Variants in XXYLT1 observed in about 807,000 individuals in gnomAD.
XXYLT1 encodes the protein xyloside xylosyltransferase 1, also known as UDP-xylose:alpha-xyloside alpha-1,3-xylosyltransferase.
In XXYLT1, 20 loss-of-function variants were observed where a neutral mutation model predicts 28.9. The observed-to-expected ratio is 0.69, with a 90% CI of 0.49 to 1.00. The LOEUF is 1.00. Among genes scored for constraint, XXYLT1 ranks in the 50% least tolerant of loss-of-function variants. XXYLT1 has a pLI of 0.00. For missense variants in XXYLT1, 542 were observed against 560.1 expected (o/e 0.97, Z 0.33); for synonymous variants, 257 against 253.8 (o/e 1.01, Z -0.12).
intron 3 of XXYLT1, among the ~76,000 whole-genome samples, chr3:195,127,335 CT>C (rs1411933180): frequency 6.6e-6 from 1 of 152,292 alleles, no homozygotes; most frequent in Non-Finnish European, 1.5e-5. Context: ...TTGTCAGTTC[CT>C]CCAGGGGTGC....
At chr3:195,160,077 A>C (rs1481278445) in intron 2 of XXYLT1, among the ~76,000 whole-genome samples, 1 of 140,738 alleles carries the variant, frequency 7.1e-6, no homozygotes, top group Non-Finnish European at 1.5e-5. Flanking sequence ...AAAAATAAAC[A>C]AGAAAAGGAA....
At chr3:195,219,591 G>C (rs750748738) in intron 2 of XXYLT1, among the ~76,000 whole-genome samples, 9 of 152,190 alleles carry the variant, frequency 5.9e-5, no homozygotes, top group South Asian at 2.1e-4. Flanking sequence ...TTCTGGCCCT[G>C]CCTCAGTTCT....
chr3:195,107,555 A>G (rs1436470862), intron 3 of XXYLT1, among the ~76,000 whole-genome samples: 784 of 3,354 alleles, frequency 0.23, 167 homozygotes, highest in Non-Finnish European at 0.28. Context: ...AGGAGGGGGA[A>G]GAGGGGGAGA....
chr3:195,138,857 G>GAAAAAAAAAAAAAAA (rs552573280), intron 3 of XXYLT1, among the ~76,000 whole-genome samples: 1 of 84,158 alleles, frequency 1.2e-5, no homozygotes, highest in African/African-American at 4.2e-5. Flanking sequence ...TCTGCCTCAG[G>GAAAAAAAAAAAAAAA]AAAAAAAAAA....
At chr3:195,161,909 C>A (rs755981039) in intron 2 of XXYLT1, among the ~76,000 whole-genome samples, 1 of 151,994 alleles carries the variant, frequency 6.6e-6, no homozygotes, top group Non-Finnish European at 1.5e-5. Context: ...TGAGCCACCA[C>A]GCCCAGCCCT....
chr3:195,250,371 T>C (rs1725202344), intron 1 of XXYLT1, among the ~76,000 whole-genome samples: 1 of 152,202 alleles, frequency 6.6e-6, no homozygotes, highest in Admixed American at 6.5e-5. Context: ...GAGACTAGCC[T>C]GGCCAACGTG....
chr3:195,188,158 A>C (rs1722279074), intron 2 of XXYLT1, among the ~76,000 whole-genome samples: 1 of 152,256 alleles, frequency 6.6e-6, no homozygotes, highest in Non-Finnish European at 1.5e-5. Context: ...AGCTCCCAAA[A>C]GAATAGTTAA....
intron 2 of XXYLT1, among the ~76,000 whole-genome samples, chr3:195,189,864 C>T (rs1722346518): frequency 1.3e-5 from 2 of 152,048 alleles, no homozygotes; most frequent in African/African-American, 4.8e-5. Flanking sequence ...CAACAGACCC[C>T]AAGTAGGATA....
At chr3:195,098,139 G>A (rs924079285) in intron 3 of XXYLT1, among the ~76,000 whole-genome samples, 1 of 152,200 alleles carries the variant, frequency 6.6e-6, no homozygotes, top group African/African-American at 2.4e-5. Context: ...CAGGAAATGG[G>A]AAGTTATTAT....
chr3:195,252,719 C>CAGAGATAGAG (rs1484813323), intron 1 of XXYLT1, among the ~76,000 whole-genome samples: 1 of 138,320 alleles, frequency 7.2e-6, no homozygotes, highest in African/African-American at 3.2e-5. Context: ...CACACACACA[C>CAGAGATAGAG]ACACACACAG....
In XXYLT1 at chr3:195,195,740, C is replaced by T. The variant is rs1382998804; in HGVS notation, c.652+30969G>A. Among the ~76,000 whole-genome samples, 1 of 152,202 alleles carries T rather than the reference C, an allele frequency of 6.6e-6. No individual in the cohort carries two copies. Among genetic ancestry groups the T allele is most frequent in the African/African-American group, 2.4e-5 (1 of 41,438 alleles). ...CCCGGGCAGTGCCGTGCTGGGAATG[C>T]TCTTCCTGCACCCCAGCTGGAGCCC... On this transcript the variant is annotated intron_variant, in intron 2 of 3. Coordinates refer to ENST00000310380, the MANE Select transcript of XXYLT1 (RefSeq NM_152531.5). The surrounding 1 kb of genome is among the most constrained non-coding windows in gnomAD (Gnocchi z 4.4).
At chr3:195,131,180 C>T (rs1362588979) in intron 3 of XXYLT1, among the ~76,000 whole-genome samples, 1 of 152,244 alleles carries the variant, frequency 6.6e-6, no homozygotes, top group Non-Finnish European at 1.5e-5. Flanking sequence ...CAGGCATCCT[C>T]ATTACCCACT....
chr3:195,156,251 G>C (rs1353273641), intron 3 of XXYLT1, among the ~76,000 whole-genome samples, 198 bp downstream of exon 3: 1 of 152,246 alleles, frequency 6.6e-6, no homozygotes, highest in Admixed American at 6.5e-5. Context: ...ACAAAATAAT[G>C]AGGTAGCACC....
At chr3:195,175,100 G>C (rs543010723) in intron 2 of XXYLT1, among the ~76,000 whole-genome samples, 1 of 152,316 alleles carries the variant, frequency 6.6e-6, no homozygotes, top group South Asian at 2.1e-4. Flanking sequence ...AAGAAACTTA[G>C]AGCAACGATG....
rs778327347 is a variant in XXYLT1, at chr3:195,164,803, GCTT to G, written c.653-8225_653-8223del. On this transcript the variant is annotated intron_variant, in intron 2 of 3. Transcript: ENST00000310380. ...AACACATTTCATGATGGATGTGGAC[GCTT>G]ATCTGTGGGTCCTTGACTACAATGC... is the stretch of plus-strand genomic sequence containing the variant. Among the ~76,000 whole-genome samples, 4 of 152,324 alleles carry G rather than the reference GCTT, an allele frequency of 2.6e-5. No homozygotes were observed. The South Asian group carries it at 8.3e-4, about 32-fold the overall frequency.
chr3:195,103,427 GCGTCCATCACCCCACA>G (rs2108680224), intron 3 of XXYLT1, among the ~76,000 whole-genome samples: 2 of 148,626 alleles, frequency 1.3e-5, no homozygotes, highest in South Asian at 2.1e-4. Flanking sequence ...CCAGCGGCCT[GCGTCCATCACCCCACA>G]CCAGCGGCCT....
chr3:195,074,580 C>T (rs1202318890), intron 3 of XXYLT1, among the ~76,000 whole-genome samples: 1 of 152,290 alleles, frequency 6.6e-6, no homozygotes, highest in African/African-American at 2.4e-5. Context: ...TCCACACCAG[C>T]CAGGTCCTCT....
At chr3:195,073,337 CCTT>C (rs1404779533) in intron 3 of XXYLT1, among the ~76,000 whole-genome samples, 4 of 152,208 alleles carry the variant, frequency 2.6e-5, no homozygotes, top group Non-Finnish European at 2.9e-5. Context: ...AGACCCCTGC[CCTT>C]CTTCACAGGA....
Position 195,176,328 on chromosome 3 carries a change from G to T in XXYLT1, c.653-19747C>A, listed in dbSNP as rs1285351748. Among the ~76,000 whole-genome samples, 1 of 152,210 alleles carries T rather than the reference G, an allele frequency of 6.6e-6. No individual in the cohort carries two copies. Among genetic ancestry groups the T allele is most frequent in the African/African-American group, 2.4e-5 (1 of 41,442 alleles). ...TGACCTGAAAGGGAGAAGAGGTGAC[G>T]TTCCCCTGCCCTGGCATGCATATTA... is the stretch of plus-strand genomic sequence containing the variant. On this transcript the variant is annotated intron_variant, in intron 2 of 3. Coordinates refer to ENST00000310380, the MANE Select transcript of XXYLT1 (RefSeq NM_152531.5). The surrounding 1 kb of genome is among the most constrained non-coding windows in gnomAD (Gnocchi z 4.9).
Sources: gnomAD v4.1 joint callset for allele counts (sites outside exome capture counted in the v4.1 genomes callset) on GRCh38, gnomAD v4.1.1 for gene constraint, Gnocchi (gnomAD v3.1) non-coding constraint, MANE v1.5 for transcripts, NCBI Gene and HGNC (gene_info 2026-07-23, HGNC 2026-07-21) for gene names.